Variants in PCDH15 observed in about 807,000 individuals in gnomAD.
The protein encoded by PCDH15 is protocadherin related 15.
A neutral mutation model predicts 178.5 loss-of-function variants in PCDH15; 129 were observed. The observed-to-expected ratio is 0.72, with a 90% confidence interval of 0.63 to 0.84. The LOEUF (loss-of-function observed/expected upper bound fraction) is 0.84, where lower values mean the gene tolerates loss of function less well. Ranked by LOEUF, PCDH15 falls within the 40% of genes least tolerant of loss-of-function variation. PCDH15 has a pLI of 0.00. For synonymous variants in PCDH15, 800 were observed against 732.0 expected (o/e 1.09, Z -1.50); for missense variants, 2,230 against 2,099.9 (o/e 1.06, Z -1.21).
chr10:55,350,461 C>T (rs752917926), intron 2 of PCDH15, among the ~76,000 whole-genome samples: 5 of 151,238 alleles, frequency 3.3e-5, no homozygotes, highest in Non-Finnish European at 5.9e-5. Context: ...AAAGATAATT[C>T]AGAGCAGAGG....
At chr10:54,370,234 C>T (rs1243420705) in intron 4 of PCDH15, among the ~76,000 whole-genome samples, 1 of 151,824 alleles carries the variant, frequency 6.6e-6, no homozygotes, top group Non-Finnish European at 1.5e-5. Context: ...ATTTTTAACC[C>T]CTTTTGAGCT....
At chr10:54,282,915 T>C (rs190600726) in intron 8 of PCDH15, among the ~76,000 whole-genome samples, 104 of 152,218 alleles carry the variant, frequency 6.8e-4, no homozygotes, top group African/African-American at 2.4e-3. Context: ...AAGAGATTTC[T>C]ATATGAGATT....
intron 21 of PCDH15, among the ~76,000 whole-genome samples, chr10:53,978,260 C>T (rs1265867386): frequency 6.6e-6 from 1 of 152,160 alleles, no homozygotes; most frequent in Non-Finnish European, 1.5e-5. Flanking sequence ...CCAGGCATTT[C>T]CATACATCCT....
chr10:54,394,520 A>G (rs1950958411), intron 3 of PCDH15, among the ~76,000 whole-genome samples: 2 of 152,200 alleles, frequency 1.3e-5, no homozygotes, highest in Non-Finnish European at 2.9e-5. Flanking sequence ...TGGGTCACAG[A>G]CATCAAGTAC....
chr10:53,851,631 A>T (rs112865751), intron 28 of PCDH15, among the ~76,000 whole-genome samples: 5,716 of 143,694 alleles, frequency 0.04, 365 homozygotes, highest in African/African-American at 0.13. Flanking sequence ...AGCGTTTCAT[A>T]GGTATGCTTC....
At chr10:54,295,960 T>C (rs7100833) in intron 8 of PCDH15, among the ~76,000 whole-genome samples, 107,112 of 148,400 alleles carry the variant, frequency 0.72, 39,603 homozygotes, top group African/African-American at 0.82. Flanking sequence ...CCGGCTAAAA[T>C]GGTGAAACCC....
chr10:53,974,504 CCT>C (rs1484894430), intron 21 of PCDH15, among the ~76,000 whole-genome samples: 3 of 151,890 alleles, frequency 2.0e-5, no homozygotes, highest in Admixed American at 1.3e-4. Flanking sequence ...AAACTACTAA[CCT>C]GTCATCATGC....
chr10:54,568,307 C>A (rs1241711541), intron 2 of PCDH15, among the ~76,000 whole-genome samples: 2 of 151,886 alleles, frequency 1.3e-5, no homozygotes, highest in Admixed American at 1.3e-4. Context: ...TCACTTTCTC[C>A]AAGAAATCTA....
At chr10:54,478,998 G>A (rs1226490177) in intron 3 of PCDH15, among the ~76,000 whole-genome samples, 9 of 145,814 alleles carry the variant, frequency 6.2e-5, no homozygotes, top group African/African-American at 2.3e-4. Flanking sequence ...GGATAAGCTA[G>A]GGAAAAGAAA....
At chr10:54,374,980 C>T (rs906045286) in intron 4 of PCDH15, among the ~76,000 whole-genome samples, 13 of 152,040 alleles carry the variant, frequency 8.6e-5, no homozygotes, top group African/African-American at 2.4e-4. Flanking sequence ...ATTATTCAAA[C>T]GTCCCCATTA....
chr10:54,719,718 C>A (rs11004482), intron 1 of PCDH15, among the ~76,000 whole-genome samples: 4 of 151,790 alleles, frequency 2.6e-5, no homozygotes, highest in African/African-American at 9.7e-5. Flanking sequence ...TTTTTTTCCC[C>A]TTCGTGTGTC....
At chr10:54,357,970 G>T (rs1294792133) in intron 5 of PCDH15, among the ~76,000 whole-genome samples, 1 of 151,856 alleles carries the variant, frequency 6.6e-6, no homozygotes, top group Non-Finnish European at 1.5e-5. Context: ...TATGGAGAAA[G>T]CTGAAACTGG....
At position 54,797,086 on chromosome 10, in the gene PCDH15, C is replaced by A. The variant is rs531406250; in HGVS notation, c.-29+3839G>T. Among the ~76,000 whole-genome samples, 7 of 152,094 alleles carry A rather than the reference C, an allele frequency of 4.6e-5. 1 individual carries two copies. Among genetic ancestry groups the A allele is most frequent in the African/African-American group, 1.7e-4 (7 of 41,530 alleles). On this transcript the variant is annotated intron_variant, in intron 1 of 37. Coordinates refer to ENST00000644397, the MANE Select transcript of PCDH15 (RefSeq NM_001384140.1). ...CATTGCACACACCGCTGTCCTCCCC[C>A]GGTCAGGAAACAGTGCTTAATTCTA... is the stretch of plus-strand genomic sequence containing the variant.
intron 2 of PCDH15, among the ~76,000 whole-genome samples, chr10:55,421,859 C>G (rs1039175056): frequency 2.6e-5 from 4 of 151,556 alleles, no homozygotes; most frequent in African/African-American, 9.7e-5. Flanking sequence ...TGGGATTTAT[C>G]TATTTTGTAG....
At chr10:55,304,026 G>T (rs1336073128) in intron 1 of PCDH15, among the ~76,000 whole-genome samples, 1 of 152,056 alleles carries the variant, frequency 6.6e-6, no homozygotes, top group African/African-American at 2.4e-5. Context: ...TGTATTTAGT[G>T]CTTTACATTT....
At position 54,852,680 on chromosome 10, in the gene PCDH15, G is replaced by A. The variant is rs556599731; in HGVS notation, c.-29+44770C>T. Among the ~76,000 whole-genome samples the A allele has an allele frequency of 8.6e-5, 13 of 151,198 alleles. No individual in the cohort carries two copies. The South Asian group carries it at 1.5e-3, about 17-fold the overall frequency. The stretch of plus-strand genomic sequence containing the variant: ...AACTTGGCTAAGATGGTGAAACCCC[G>A]TTTCTACTAGAAATACAAAAAAATT... On this transcript the variant is annotated intron_variant, in intron 3 of 5. Coordinates refer to the PCDH15 transcript ENST00000458638.
At chr10:55,111,834 CAA>C in intron 2 of PCDH15, among the ~76,000 whole-genome samples, 1 of 152,204 alleles carries the variant, frequency 6.6e-6, no homozygotes, top group Admixed American at 6.5e-5. Flanking sequence ...GCCTGGGCAA[CAA>C]GAGTGAAACT....
chr10:54,245,444 A>G (rs1267425797), intron 8 of PCDH15, among the ~76,000 whole-genome samples: 2 of 152,158 alleles, frequency 1.3e-5, no homozygotes, highest in Non-Finnish European at 2.9e-5. Context: ...AAATTATGAT[A>G]GATATTGACT....
At chr10:54,487,884 T>C (rs2079233277) in intron 3 of PCDH15, among the ~76,000 whole-genome samples, 1 of 151,828 alleles carries the variant, frequency 6.6e-6, no homozygotes, top group Non-Finnish European at 1.5e-5. Context: ...ACAATAAAAA[T>C]GCATATATAC....
Sources: allele counts gnomAD v4.1 joint callset (sites outside exome capture counted in the v4.1 genomes callset), GRCh38; gene constraint gnomAD v4.1.1; transcripts MANE v1.5; gene names NCBI Gene and HGNC (gene_info 2026-07-23, HGNC 2026-07-21).